The following NCAM1 variants were observed in gnomAD, a reference collection of about 807,000 sequenced individuals.
The protein encoded by NCAM1 is antigen recognized by monoclonal antibody 5.1H11.
A neutral mutation model predicts 109.8 loss-of-function variants in NCAM1; 14 were observed. The ratio of observed to expected loss-of-function variants is 0.13; its 90% CI spans 0.08 to 0.20. NCAM1 has a LOEUF of 0.20. Among genes scored for constraint, NCAM1 ranks in the 10% least tolerant of loss-of-function variants. The pLI is 1.00. For synonymous variants in NCAM1, 418 were observed against 442.9 expected (o/e 0.94, Z 0.70); for missense variants, 774 against 1,109.9 (o/e 0.70, Z 4.30).
intron 1 of NCAM1, among the ~76,000 whole-genome samples, chr11:113,183,476 G>C (rs1943394722): frequency 6.6e-6 from 1 of 152,206 alleles, no homozygotes; most frequent in Non-Finnish European, 1.5e-5. Context: ...TCAGGTAGTG[G>C]AGAGCATTTA....
chr11:113,223,637 T>C (rs782812001), intron 9 of NCAM1, among the ~76,000 whole-genome samples: 7 of 152,226 alleles, frequency 4.6e-5, no homozygotes, highest in Admixed American at 6.5e-5. Flanking sequence ...AAATGTTCTC[T>C]TGACTTCCAG....
intron 1 of NCAM1, among the ~76,000 whole-genome samples, chr11:113,029,161 C>T (rs528464209): frequency 2.6e-5 from 4 of 152,058 alleles, no homozygotes; most frequent in African/African-American, 7.2e-5. Context: ...CCTAGGTGAC[C>T]GTAATCACAG....
chr11:113,215,381 T>C (rs931328537), intron 8 of NCAM1, among the ~76,000 whole-genome samples: 3 of 152,206 alleles, frequency 2.0e-5, no homozygotes, highest in African/African-American at 7.2e-5. Flanking sequence ...TTAGCCCAAG[T>C]TTTGTCACCT....
At chr11:113,004,400 G>A (rs1951838837) in intron 1 of NCAM1, among the ~76,000 whole-genome samples, 4 of 152,156 alleles carry the variant, frequency 2.6e-5, no homozygotes, top group South Asian at 4.2e-4. Context: ...GGCTGAGGCA[G>A]AGAATTGCTT....
In NCAM1 at chr11:112,963,828, C is replaced by A. The variant is rs1555064338; in HGVS notation, c.52+2164C>A. Among the ~76,000 whole-genome samples the A allele has an allele frequency of 6.6e-6, 1 of 152,158 alleles. No homozygotes were observed. The highest frequency in any genetic ancestry group is 1.9e-4 in the East Asian group (1 of 5,180). On this transcript the variant is annotated intron_variant, in intron 1 of 19. Transcript: ENST00000316851. The surrounding 1 kb of genome is among the most constrained non-coding windows in gnomAD (Gnocchi z 4.6). ...GAAGTTGCAGGCCCAGGAATTCCCA[C>A]TGGGATGTTCCTGGATGCCCAGGCA... is the stretch of plus-strand genomic sequence containing the variant.
intron 1 of NCAM1, chr11:113,197,240 C>A: frequency 4.4e-6 from 1 of 225,616 alleles, no homozygotes; most frequent in Non-Finnish European, 9.8e-6. Flanking sequence ...GCCAAACTAT[C>A]TCACCATCCC....
intron 1 of NCAM1, among the ~76,000 whole-genome samples, chr11:112,981,611 G>A (rs1306667212): frequency 6.6e-6 from 1 of 151,778 alleles, no homozygotes; most frequent in Non-Finnish European, 1.5e-5. Flanking sequence ...GTGGTCTTGA[G>A]CTAACTGGAA....
At chr11:113,079,985 C>A (rs906909297) in intron 1 of NCAM1, among the ~76,000 whole-genome samples, 3 of 152,160 alleles carry the variant, frequency 2.0e-5, no homozygotes, top group Non-Finnish European at 4.4e-5. Context: ...AAAAATATTA[C>A]AATACATTAT....
intron 1 of NCAM1, among the ~76,000 whole-genome samples, chr11:112,986,188 A>G (rs979071143): frequency 6.6e-6 from 1 of 151,978 alleles, no homozygotes; most frequent in African/African-American, 2.4e-5. Context: ...TTTGTCCTTC[A>G]TTCTTTTAAT....
Position 112,964,281 on chromosome 11 carries a change from G to GGGCT in NCAM1, c.52+2619_52+2622dup, listed in dbSNP as rs1950671468. Among the ~76,000 whole-genome samples the GGGCT allele has an allele frequency of 1.1e-4, 17 of 151,718 alleles. No individual in the cohort carries two copies. The South Asian group carries it at 2.9e-3, about 26-fold the overall frequency. ...CCTTAATACGTCAAGTGAGTCCGAT[G>GGGCT]GGCTGCCCCTCTCCTCTTTCTGTGT... On this transcript the variant is annotated intron_variant, in intron 1 of 19. Transcript: ENST00000316851.
intron 1 of NCAM1, among the ~76,000 whole-genome samples, chr11:113,046,128 A>G (rs1287600470): frequency 2.0e-5 from 3 of 152,254 alleles, no homozygotes; most frequent in Non-Finnish European, 4.4e-5. Context: ...TTGCTGTGAA[A>G]AAAACAGATT....
chr11:113,066,796 C>G (rs571691789), intron 1 of NCAM1, among the ~76,000 whole-genome samples: 35 of 151,952 alleles, frequency 2.3e-4, no homozygotes, highest in Non-Finnish European at 4.4e-4. Flanking sequence ...GTCAGGAGAT[C>G]GAGACCATCC....
intron 1 of NCAM1, chr11:113,133,841 A>C (rs1226227071): frequency 6.6e-6 from 1 of 152,226 alleles, no homozygotes; most frequent in African/African-American, 2.4e-5. Context: ...AAGTAATTCA[A>C]CTAATAATGA....
At chr11:113,242,596 C>G (rs1388206952) in intron 14 of NCAM1, among the ~76,000 whole-genome samples, 1 of 152,062 alleles carries the variant, frequency 6.6e-6, no homozygotes, top group Admixed American at 6.5e-5. Flanking sequence ...AGTGACAGAG[C>G]AAGACTCCAT....
intron 1 of NCAM1, among the ~76,000 whole-genome samples, chr11:113,085,060 C>T (rs1178005141): frequency 6.6e-6 from 1 of 152,182 alleles, no homozygotes; most frequent in African/African-American, 2.4e-5. Flanking sequence ...TATTGAGAGT[C>T]CTGTTAAACC....
chr11:113,131,622 G>A (rs1260462700), intron 1 of NCAM1, among the ~76,000 whole-genome samples: 1 of 152,158 alleles, frequency 6.6e-6, no homozygotes, highest in Non-Finnish European at 1.5e-5. Flanking sequence ...TTGATGTCTC[G>A]TGCTCAGAAA....
At chr11:113,255,194 G>C (rs1246624796) in intron 15 of NCAM1, among the ~76,000 whole-genome samples, 1 of 152,190 alleles carries the variant, frequency 6.6e-6, no homozygotes, top group East Asian at 1.9e-4. Context: ...TCACTCATTT[G>C]AACCATTAGT....
At chr11:113,191,025 A>T (rs1023942027) in intron 1 of NCAM1, among the ~76,000 whole-genome samples, 11 of 152,244 alleles carry the variant, frequency 7.2e-5, no homozygotes, top group African/African-American at 2.4e-4. Context: ...TAATTTTATT[A>T]TCAACGTTTT....
chr11:113,074,352 G>A (rs1938432760), intron 1 of NCAM1, among the ~76,000 whole-genome samples: 1 of 152,208 alleles, frequency 6.6e-6, no homozygotes, highest in South Asian at 2.1e-4. Flanking sequence ...GGCTGTGGCA[G>A]AAGGGTGCAC....
Sources: gnomAD v4.1 joint callset for allele counts (sites outside exome capture counted in the v4.1 genomes callset) on GRCh38, gnomAD v4.1.1 for gene constraint, Gnocchi (gnomAD v3.1) non-coding constraint, MANE v1.5 for transcripts, NCBI Gene and HGNC (gene_info 2026-07-23, HGNC 2026-07-21) for gene names.